CWH43: variants seen among roughly 807,000 people sequenced by gnomAD.
CWH43 encodes cell wall biogenesis 43 C-terminal homolog, also known as PGAP2-interacting protein.
A neutral mutation model predicts 85.7 loss-of-function variants in CWH43; 91 were observed. That is an observed-to-expected ratio of 1.06 (90% CI 0.90 to 1.26). The LOEUF (loss-of-function observed/expected upper bound fraction) is 1.26, where lower values mean the gene tolerates loss of function less well. Ranked by LOEUF, CWH43 falls within the 50% of genes most tolerant of loss-of-function variation. The pLI, the probability that CWH43 is intolerant of heterozygous loss-of-function variation, is 0.00. For synonymous variants in CWH43, 323 were observed against 293.6 expected (o/e 1.10, Z -1.02); for missense variants, 869 against 839.2 (o/e 1.04, Z -0.44).
Position 49,062,062 on chromosome 4 carries a change from T to C in CWH43, c.*172T>C, listed in dbSNP as rs1785179035. 2.8e-6 allele frequency: 1 copy of C among 360,584 alleles called. No individual in the cohort carries two copies. The highest frequency in any genetic ancestry group is 4.6e-6 in the Non-Finnish European group (1 of 219,076). The allele number at this position is 360,584 out of a possible 1,614,324, so 22.3% of individuals were successfully genotyped here. On this transcript the variant is annotated 3_prime_UTR_variant, in exon 16 of 16. Coordinates refer to ENST00000226432, the MANE Select transcript of CWH43 (RefSeq NM_025087.3). ...TCCATTTGTAAACTATGTTGCTTAA[T>C]AAAAACATTTCTCTAAATTGTTTTC...
intron 13 of CWH43, among the ~76,000 whole-genome samples, chr4:49,042,594 C>T (rs187442034): frequency 4.6e-5 from 7 of 151,936 alleles, no homozygotes; most frequent in African/African-American, 1.5e-4. Context: ...TGTAGGGAAG[C>T]GTTGAAGCCA....
chr4:48,994,494 C>A, intron 4 of CWH43, 125 bp from the exon 5 acceptor site: 1 of 739,082 alleles, frequency 1.4e-6, no homozygotes. Flanking sequence ...CATGTCTCAT[C>A]TCCTCTTCCG....
chr4:49,017,441 C>T, intron 9 of CWH43, 113 bp downstream of exon 9: 1 of 688,264 alleles, frequency 1.5e-6, no homozygotes, highest in South Asian at 2.3e-5. Flanking sequence ...GAGCCCTGGG[C>T]CCTATCTCCT....
chr4:49,004,047 G>C, intron 7 of CWH43, 55 bp downstream of exon 7: 1 of 1,494,328 alleles, frequency 6.7e-7, no homozygotes, highest in Non-Finnish European at 9.0e-7. Flanking sequence ...TATCCTTATG[G>C]ACTGACCAGG....
chr4:49,015,416 G>C (rs1032700177), intron 8 of CWH43, among the ~76,000 whole-genome samples: 1 of 151,990 alleles, frequency 6.6e-6, no homozygotes, highest in African/African-American at 2.4e-5. Flanking sequence ...TCAGCTGTCA[G>C]TGTAATTGTT....
chr4:48,991,398 C>T lies in CWH43; in HGVS notation c.236-56C>T, dbSNP rs541620160. On this transcript the variant is annotated intron_variant, in intron 2 of 15. Transcript: ENST00000226432. ...GATAACATGCATCAAATGCAGATCACGGAGTTCCAATCCATACTTGCCAGA... is the reference window on the plus strand; with the variant it reads ...GATAACATGCATCAAATGCAGATCATGGAGTTCCAATCCATACTTGCCAGA... 100 of 1,601,004 alleles carry T rather than the reference C, an allele frequency of 6.2e-5. 1 individual carries two copies. The highest frequency in any genetic ancestry group is 2.2e-4 in the East Asian group (10 of 44,618).
intron 15 of CWH43, among the ~76,000 whole-genome samples, chr4:49,058,779 T>A (rs1385184292): frequency 6.6e-6 from 1 of 152,192 alleles, no homozygotes. Flanking sequence ...TTTGAATACA[T>A]CATCTCAATT....
chr4:48,991,380 T>A, intron 2 of CWH43, 74 bp from the exon 3 acceptor site: 3 of 1,521,068 alleles, frequency 2.0e-6, no homozygotes, highest in Non-Finnish European at 2.7e-6. Flanking sequence ...TCAGATAACA[T>A]GCATCAAATG....
chr4:49,023,824 C>T (rs1326797057), intron 9 of CWH43, among the ~76,000 whole-genome samples: 1 of 152,148 alleles, frequency 6.6e-6, no homozygotes, highest in African/African-American at 2.4e-5. Flanking sequence ...GTATATTCTG[C>T]AGTTGTTGGG....
rs140534523 is a variant in CWH43 at position 49,020,416 on chromosome 4, C to CACACACACACACATATAT, written c.1266+3089_1266+3090insCACACACACACATATATA. 4.7e-3 allele frequency among the ~76,000 whole-genome samples: 601 copies of CACACACACACACATATAT among 128,332 alleles called. 1 individual carries two copies. The highest frequency in any genetic ancestry group is 0.013 in the African/African-American group (502 of 37,656). 84.2% of individuals were successfully genotyped at this position (128,332 alleles called of 152,430 possible). On this transcript the variant is annotated intron_variant, in intron 9 of 15. Transcript: ENST00000226432. Reference sequence around the variant, plus strand: ...ACACACACACACACACACACACACACATATATATATATAAATCATATTTTC... The same window carrying CACACACACACACATATAT: ...ACACACACACACACACACACACACACACACACACACACATATATATATATATATATAAATCATATTTTC...
At chr4:49,042,531 G>A (rs1356743738) in intron 13 of CWH43, among the ~76,000 whole-genome samples, 1 of 152,180 alleles carries the variant, frequency 6.6e-6, no homozygotes, top group Non-Finnish European at 1.5e-5. Flanking sequence ...ATACAGATCT[G>A]GAATCCAGAA....
At chr4:49,039,382 G>T (rs1319427868) in intron 13 of CWH43, among the ~76,000 whole-genome samples, 3 of 86,056 alleles carry the variant, frequency 3.5e-5, no homozygotes, top group African/African-American at 9.2e-5. Flanking sequence ...TATATATACT[G>T]ATATATATAT....
intron 15 of CWH43, among the ~76,000 whole-genome samples, chr4:49,058,587 C>T (rs1785040362): frequency 6.6e-6 from 1 of 152,182 alleles, no homozygotes; most frequent in South Asian, 2.1e-4. Flanking sequence ...TATGTGTTCA[C>T]ATTTTTAATG....
chr4:49,003,095 C>G (rs2109759880), intron 6 of CWH43, among the ~76,000 whole-genome samples: 1 of 152,266 alleles, frequency 6.6e-6, no homozygotes, highest in South Asian at 2.1e-4. Flanking sequence ...AGCATTGGCT[C>G]AATAAACTAA....
intron 15 of CWH43, 68 bp from the exon 16 acceptor site, chr4:49,061,744 A>C: frequency 8.5e-7 from 1 of 1,173,254 alleles, no homozygotes; most frequent in Non-Finnish European, 1.1e-6. Flanking sequence ...GAAATTTTAC[A>C]TAAGAACATA....
At chr4:49,039,428 CACTTATATATATATATATAT>C (rs1249483001) in intron 13 of CWH43, among the ~76,000 whole-genome samples, 9 of 124,856 alleles carry the variant, frequency 7.2e-5, no homozygotes, top group African/African-American at 1.5e-4. Context: ...TATATATATA[CACTTATATATATATATATAT>C]ACTATAATGC....
intron 14 of CWH43, among the ~76,000 whole-genome samples, chr4:49,049,250 C>A (rs1310364946): frequency 6.6e-6 from 1 of 152,174 alleles, no homozygotes; most frequent in Non-Finnish European, 1.5e-5. Flanking sequence ...GCTCTACTTA[C>A]CTTTCCCAAT....
intron 12 of CWH43, 127 bp downstream of exon 12, chr4:49,032,842 C>T (rs1560505574): frequency 2.1e-5 from 25 of 1,188,114 alleles, no homozygotes; most frequent in East Asian, 1.7e-4. Context: ...TTTCTCCCTG[C>T]GTTGCTGGTT....
chr4:49,051,305 A>G (rs528127983), intron 15 of CWH43, among the ~76,000 whole-genome samples: 1 of 152,284 alleles, frequency 6.6e-6, no homozygotes, highest in Non-Finnish European at 1.5e-5. Context: ...CTAGTGAGTG[A>G]TGGAACTAAT....
Sources: allele counts gnomAD v4.1 joint callset (sites outside exome capture counted in the v4.1 genomes callset), GRCh38; gene constraint gnomAD v4.1.1; transcripts MANE v1.5; gene names NCBI Gene and HGNC (gene_info 2026-07-23, HGNC 2026-07-21).